The following DMD variants were observed in gnomAD, a reference collection of about 807,000 sequenced individuals.
DMD encodes mutant dystrophin.
Under a neutral mutation model 330.1 loss-of-function variants are expected in DMD, and 63 were observed. The ratio of observed to expected loss-of-function variants is 0.19; its 90% CI spans 0.16 to 0.24. DMD has a LOEUF of 0.24. Ranked by LOEUF, DMD falls within the 10% of genes least tolerant of loss-of-function variation. The pLI is 1.00. For synonymous variants in DMD, 1,223 were observed against 959.8 expected (o/e 1.27, Z -5.07); for missense variants, 3,344 against 2,684.1 (o/e 1.25, Z -5.43).
Position 32,655,385 on chromosome X carries a change from T to G in DMD, c.961-10233A>C, listed in dbSNP as rs1205220622. The stretch of plus-strand genomic sequence containing the variant: ...AGAACATCTTTATTTCTGCCTTCAT[T>G]TCGTTATGTACCCAGTAGTCATTCA... On this transcript the variant is annotated intron_variant, in intron 9 of 78. Transcript: ENST00000357033. 6.2e-5 allele frequency among the ~76,000 whole-genome samples: 7 copies of G among 112,487 alleles called. No homozygotes were observed. The East Asian group carries it at 1.7e-3, about 27-fold the overall frequency.
intron 39 of DMD, among the ~76,000 whole-genome samples, chrX:32,344,046 A>G (rs1291319509): frequency 8.9e-6 from 1 of 112,268 alleles, no homozygotes; most frequent in Non-Finnish European, 1.9e-5. Flanking sequence ...TCAATGTGAT[A>G]AGACTAATTT....
chrX:33,307,889 T>C (rs1387658253), intron 1 of DMD, among the ~76,000 whole-genome samples: 2 of 111,305 alleles, frequency 1.8e-5, no homozygotes, highest in Non-Finnish European at 3.8e-5. Flanking sequence ...AAGTTACTCA[T>C]CCAAAATCCT....
chrX:33,282,969 C>T lies in DMD; in HGVS notation c.7+56290G>A, dbSNP rs1338833015. On this transcript the variant is annotated intron_variant, in intron 1 of 17. Transcript: ENST00000288447. Reference sequence around the variant, plus strand: ...ATCCTTTACAATTTTCTTTTGATGGCCTCTTGTTTTGTTTCTAGGTTTTAT... The same window carrying T: ...ATCCTTTACAATTTTCTTTTGATGGTCTCTTGTTTTGTTTCTAGGTTTTAT... Among the ~76,000 whole-genome samples the T allele has an allele frequency of 3.6e-5, 4 of 112,015 alleles. No individual in the cohort carries two copies. The East Asian group carries it at 8.5e-4, about 24-fold the overall frequency.
chrX:33,185,920 T>C (rs1301420291), intron 1 of DMD, among the ~76,000 whole-genome samples: 1 of 112,338 alleles, frequency 8.9e-6, no homozygotes, highest in African/African-American at 3.2e-5. Flanking sequence ...TAAACAGCTG[T>C]CTTTCCTGCA....
chrX:31,761,628 T>C (rs369550960), intron 51 of DMD, among the ~76,000 whole-genome samples: 1 of 112,188 alleles, frequency 8.9e-6, no homozygotes, highest in Non-Finnish European at 1.9e-5. Flanking sequence ...ACCACGTATA[T>C]TGATGCTAAC....
intron 7 of DMD, among the ~76,000 whole-genome samples, chrX:32,774,466 G>C (rs768525682): frequency 9.0e-6 from 1 of 111,564 alleles, no homozygotes; most frequent in South Asian, 3.8e-4. Context: ...CCTGAGACTG[G>C]GTAATTTAGA....
At chrX:33,072,528 G>A (rs1349892458) in intron 1 of DMD, among the ~76,000 whole-genome samples, 1 of 112,107 alleles carries the variant, frequency 8.9e-6, no homozygotes, top group African/African-American at 3.2e-5. Context: ...TAATTCCTGA[G>A]AAATTTGGAA....
Position 32,969,321 on chromosome X carries a change from C to A in DMD, c.93+50818G>T, listed in dbSNP as rs142557113. 3.5e-5 allele frequency among the ~76,000 whole-genome samples: 3 copies of A among 86,868 alleles called. 1 individual carries two copies. The highest frequency in any genetic ancestry group is 6.4e-5 in the Non-Finnish European group (3 of 46,731). 75.4% of individuals were successfully genotyped at this position (86,868 alleles called of 115,157 possible). On this transcript the variant is annotated intron_variant, in intron 2 of 78. Transcript: ENST00000357033. Reference sequence around the variant, plus strand: ...AATAACATATAAATTAACAAAAATTCTCTCACGTGCTACCACATACATAGA... The same window carrying A: ...AATAACATATAAATTAACAAAAATTATCTCACGTGCTACCACATACATAGA...
At chrX:31,178,960 A>G (rs1022491978) in intron 69 of DMD, among the ~76,000 whole-genome samples, 155 bp from the exon 70 acceptor site, 1 of 111,474 alleles carries the variant, frequency 9.0e-6, no homozygotes, top group Non-Finnish European at 1.9e-5. Flanking sequence ...TGGGGCTCTG[A>G]AACCAGGCCT....
rs756296628 is a variant in DMD, at chrX:31,774,060, T to C, written c.7442A>G (p.Glu2481Gly). ...ALADFNRAWT[E>G]LTDWLSLLDQ... ...AAGCAGAGAAAGCCAGTCGGTAAGTTCTGTCCAAGCCCGGTTGAAATCTGC... is the reference window on the plus strand; with the variant it reads ...AAGCAGAGAAAGCCAGTCGGTAAGTCCTGTCCAAGCCCGGTTGAAATCTGC... The change falls in exon 51 of 79, where the codon GAA becomes GGA. Residue 2481 changes from glutamate (E) to glycine (G), a missense_variant. Physicochemically the swap from Glu to Gly is moderately conservative, Grantham distance 98. Coordinates refer to ENST00000357033, the MANE Select transcript of DMD (RefSeq NM_004006.3). 2.5e-6 allele frequency: 3 copies of C among 1,210,925 alleles called. No homozygotes were observed. The East Asian group carries it at 8.9e-5, about 36-fold the overall frequency.
rs139252797 is a variant in DMD at position 32,047,062 on chromosome X, C to G, written c.6439-78548G>C. Reference sequence around the variant, plus strand: ...GACCACACAAAATTTCAAGCAGGAACCTTTCAGTTATCACAATCTTTATTA... The same window carrying G: ...GACCACACAAAATTTCAAGCAGGAAGCTTTCAGTTATCACAATCTTTATTA... On this transcript the variant is annotated intron_variant, in intron 44 of 78. Transcript: ENST00000357033. Among the ~76,000 whole-genome samples the G allele has an allele frequency of 6.2e-3, 688 of 111,403 alleles. 7 individuals carry two copies. The highest frequency in any genetic ancestry group is 0.021 in the African/African-American group (637 of 30,759).
chrX:32,238,445 G>A (rs1603628895), intron 43 of DMD, among the ~76,000 whole-genome samples: 1 of 51,182 alleles, frequency 2.0e-5, no homozygotes, highest in East Asian at 9.2e-4. Context: ...AGCAATGCAT[G>A]AGAGAGAGAG....
At position 32,805,370 on chromosome X, in the gene DMD, G is replaced by A. The variant is rs944937761; in HGVS notation, c.649+4123C>T. ...AGCAGAAGAAAAGATATCAGAGATT[G>A]AAGATCAACTTAATGAAATAAAGTG... On this transcript the variant is annotated intron_variant, in intron 7 of 78. Coordinates refer to ENST00000357033, the MANE Select transcript of DMD (RefSeq NM_004006.3). Among the ~76,000 whole-genome samples, 6 of 111,712 alleles carry A rather than the reference G, an allele frequency of 5.4e-5. No homozygotes were observed. The Admixed American group carries it at 5.7e-4, about 11-fold the overall frequency.
At chrX:31,425,201 A>C (rs1215099886) in intron 60 of DMD, among the ~76,000 whole-genome samples, 1 of 112,128 alleles carries the variant, frequency 8.9e-6, no homozygotes, top group Non-Finnish European at 1.9e-5. Flanking sequence ...TTGCAATTCC[A>C]TATACAGGTA....
intron 55 of DMD, among the ~76,000 whole-genome samples, chrX:31,542,540 C>T (rs936972096): frequency 1.8e-5 from 2 of 112,074 alleles, no homozygotes; most frequent in Non-Finnish European, 3.8e-5. Context: ...AGTTAATATA[C>T]TGCTCAGAAC....
intron 44 of DMD, among the ~76,000 whole-genome samples, chrX:31,970,822 T>C (rs2095392512): frequency 9.0e-6 from 1 of 111,531 alleles, no homozygotes; most frequent in African/African-American, 3.3e-5. Flanking sequence ...TGTTTTGGAA[T>C]AAACTGCATC....
chrX:33,208,488 A>G, intron 1 of DMD, among the ~76,000 whole-genome samples: 1 of 111,065 alleles, frequency 9.0e-6, no homozygotes, highest in East Asian at 2.8e-4. Flanking sequence ...CTCAGGCCCC[A>G]TAAATCCTTT....
rs779936470 is a variant in DMD at position 32,715,845 on chromosome X, C to T, written c.650-16552G>A. 7.3e-5 allele frequency among the ~76,000 whole-genome samples: 8 copies of T among 110,264 alleles called. No individual in the cohort carries two copies. In the South Asian group the frequency reaches 1.2e-3, roughly 16 times the overall value. On this transcript the variant is annotated intron_variant, in intron 7 of 78. Coordinates refer to ENST00000357033, the MANE Select transcript of DMD (RefSeq NM_004006.3). ...TTATTTGCCACAGGACAGATGGAGC[C>T]GAAGAACATTAGGCTAAGTGAAATA... is the stretch of plus-strand genomic sequence containing the variant.
intron 51 of DMD, among the ~76,000 whole-genome samples, chrX:31,735,839 A>T (rs754649100): frequency 3.6e-5 from 4 of 111,897 alleles, no homozygotes; most frequent in African/African-American, 1.3e-4. Context: ...GAAAGTTAAG[A>T]TTATTCCACC....
Sources: allele counts gnomAD v4.1 joint callset (sites outside exome capture counted in the v4.1 genomes callset), GRCh38; gene constraint gnomAD v4.1.1; transcripts MANE v1.5; gene names NCBI Gene and HGNC (gene_info 2026-07-23, HGNC 2026-07-21).